ERBB4: variants seen among roughly 807,000 people sequenced by gnomAD.
ERBB4 encodes the protein receptor tyrosine-protein kinase erbB-4.
ERBB4 carries 42 observed loss-of-function variants against 158.0 expected under a neutral mutation model. The ratio of observed to expected loss-of-function variants is 0.27; its 90% CI spans 0.21 to 0.34. ERBB4 has a LOEUF of 0.34. ERBB4 is among the 10% of genes least tolerant of loss of function. ERBB4 has a pLI of 1.00. For synonymous variants in ERBB4, 583 were observed against 558.7 expected (o/e 1.04, Z -0.61); for missense variants, 1,333 against 1,624.1 (o/e 0.82, Z 3.08).
chr2:212,481,891 C>A (rs936342094), intron 1 of ERBB4, among the ~76,000 whole-genome samples: 3 of 152,150 alleles, frequency 2.0e-5, no homozygotes, highest in Non-Finnish European at 4.4e-5. Context: ...GAGTTCAGCA[C>A]CAGCAAATTA....
At chr2:211,950,372 A>T (rs1025606325) in intron 2 of ERBB4, among the ~76,000 whole-genome samples, 1 of 151,632 alleles carries the variant, frequency 6.6e-6, no homozygotes, top group Non-Finnish European at 1.5e-5. Context: ...GGTGGAAGAG[A>T]GGCTATAGAC....
At chr2:212,094,511 T>A (rs996309649) in intron 2 of ERBB4, among the ~76,000 whole-genome samples, 3 of 151,442 alleles carry the variant, frequency 2.0e-5, no homozygotes, top group Non-Finnish European at 4.4e-5. Flanking sequence ...ATCAAACTTG[T>A]TCTTTAAAAC....
intron 1 of ERBB4, among the ~76,000 whole-genome samples, chr2:212,459,195 G>A (rs1246594425): frequency 6.6e-6 from 1 of 151,824 alleles, no homozygotes; most frequent in East Asian, 1.9e-4. Context: ...TACTCTTTGA[G>A]TTGTTTTTTT....
chr2:212,101,967 C>T (rs1296986067), intron 2 of ERBB4, among the ~76,000 whole-genome samples: 1 of 151,254 alleles, frequency 6.6e-6, no homozygotes, highest in Non-Finnish European at 1.5e-5. Context: ...GTATTAGTTC[C>T]TTTGTAATGC....
intron 1 of ERBB4, among the ~76,000 whole-genome samples, chr2:212,144,710 T>C (rs1392815731): frequency 6.6e-6 from 1 of 152,214 alleles, no homozygotes; most frequent in Non-Finnish European, 1.5e-5. Flanking sequence ...AACCAGCTCA[T>C]GGAGACCTCA....
intron 1 of ERBB4, among the ~76,000 whole-genome samples, chr2:212,176,406 C>G (rs2081664322): frequency 6.6e-6 from 1 of 151,920 alleles, no homozygotes; most frequent in Non-Finnish European, 1.5e-5. Context: ...CCAGAGCTTA[C>G]TCACTCTCCA....
chr2:212,161,218 T>G (rs1172453931), intron 1 of ERBB4, among the ~76,000 whole-genome samples: 2 of 151,934 alleles, frequency 1.3e-5, no homozygotes, highest in Non-Finnish European at 2.9e-5. Context: ...TACAGTCTCT[T>G]TCACTCATCT....
At chr2:212,117,184 T>C (rs542170145) in intron 2 of ERBB4, among the ~76,000 whole-genome samples, 23 of 152,324 alleles carry the variant, frequency 1.5e-4, no homozygotes, top group African/African-American at 5.0e-4. Flanking sequence ...CTCTGTGTCC[T>C]TTTTAGCATT....
chr2:211,693,721 T>C (rs957928802), intron 12 of ERBB4, among the ~76,000 whole-genome samples: 2 of 152,162 alleles, frequency 1.3e-5, no homozygotes, highest in African/African-American at 2.4e-5. Flanking sequence ...TCCATAGAAA[T>C]AGTGTAACAA....
At chr2:212,227,899 G>C (rs1184318850) in intron 1 of ERBB4, among the ~76,000 whole-genome samples, 1 of 152,002 alleles carries the variant, frequency 6.6e-6, no homozygotes, top group African/African-American at 2.4e-5. Flanking sequence ...ATAATAATGA[G>C]ATTTACTGTG....
At chr2:212,143,997 C>G (rs7608211) in intron 1 of ERBB4, among the ~76,000 whole-genome samples, 1 of 149,236 alleles carries the variant, frequency 6.7e-6, no homozygotes. Flanking sequence ...CCGGCCTGGG[C>G]GACAGAGTGA....
chr2:211,602,008 G>T (rs879783314), intron 19 of ERBB4, among the ~76,000 whole-genome samples: 2 of 152,064 alleles, frequency 1.3e-5, no homozygotes, highest in Admixed American at 1.3e-4. Flanking sequence ...TCTTTAAAGA[G>T]GGCATTATGT....
intron 20 of ERBB4, among the ~76,000 whole-genome samples, chr2:211,532,734 A>G (rs1288484070): frequency 6.6e-6 from 1 of 151,920 alleles, no homozygotes; most frequent in African/African-American, 2.4e-5. Flanking sequence ...ATCAAAAGAT[A>G]TCCAAACTCC....
intron 2 of ERBB4, among the ~76,000 whole-genome samples, chr2:212,086,405 T>C (rs868238412): frequency 6.6e-6 from 1 of 151,824 alleles, no homozygotes; most frequent in African/African-American, 2.4e-5. Flanking sequence ...GGAATATTTC[T>C]GATTTAAATC....
intron 1 of ERBB4, among the ~76,000 whole-genome samples, chr2:212,511,537 T>C (rs1454751877): frequency 2.0e-5 from 3 of 152,194 alleles, no homozygotes; most frequent in Non-Finnish European, 4.4e-5. Context: ...TAATCTTAGG[T>C]AACCTACCAG....
At chr2:212,520,868 T>C (rs1692121608) in intron 1 of ERBB4, among the ~76,000 whole-genome samples, 1 of 149,936 alleles carries the variant, frequency 6.7e-6, no homozygotes, top group Non-Finnish European at 1.5e-5. Flanking sequence ...AATTAGCAAG[T>C]GGACACCACT....
chr2:211,625,485 G>A (rs1013895662), intron 17 of ERBB4, among the ~76,000 whole-genome samples: 1 of 152,024 alleles, frequency 6.6e-6, no homozygotes, highest in Non-Finnish European at 1.5e-5. Context: ...AATAAACTTA[G>A]GTTATCTTCA....
At chr2:211,413,010 C>CT (rs2125382902) in intron 25 of ERBB4, among the ~76,000 whole-genome samples, 1 of 150,982 alleles carries the variant, frequency 6.6e-6, no homozygotes, top group East Asian at 2.0e-4. Context: ...AAAATTTCTA[C>CT]TTAGGCCCAG....
intron 2 of ERBB4, among the ~76,000 whole-genome samples, chr2:212,110,676 T>G (rs1438371522): frequency 6.6e-6 from 1 of 152,230 alleles, no homozygotes; most frequent in South Asian, 2.1e-4. Context: ...TGCTTTCAAA[T>G]TAGCTCCTGC....
Sources: allele counts gnomAD v4.1 joint callset (sites outside exome capture counted in the v4.1 genomes callset), GRCh38; gene constraint gnomAD v4.1.1; transcripts MANE v1.5; gene names NCBI Gene and HGNC (gene_info 2026-07-23, HGNC 2026-07-21).